POLE4: variants seen among roughly 807,000 people sequenced by gnomAD.
POLE4 encodes DNA polymerase epsilon subunit 4.
In POLE4, 15 loss-of-function variants were observed where a neutral mutation model predicts 15.6. That is an observed-to-expected ratio of 0.96 (90% CI 0.64 to 1.48). The LOEUF is 1.48. Ranked by LOEUF, POLE4 falls within the 40% of genes most tolerant of loss-of-function variation. The pLI, the probability that POLE4 is intolerant of heterozygous loss-of-function variation, is 0.00. For missense variants in POLE4, 205 were observed against 151.9 expected (o/e 1.35, Z -1.84); for synonymous variants, 83 against 63.2 (o/e 1.31, Z -1.49).
chr2:74,967,853 T>C (rs755728113), intron 3 of POLE4, among the ~76,000 whole-genome samples: 1 of 152,214 alleles, frequency 6.6e-6, no homozygotes, highest in African/African-American at 2.4e-5. Flanking sequence ...TTCTGGACTA[T>C]CATACTGATA....
chr2:74,962,334 C>T (rs553670411), intron 3 of POLE4, among the ~76,000 whole-genome samples: 1 of 152,296 alleles, frequency 6.6e-6, no homozygotes, highest in African/African-American at 2.4e-5. Flanking sequence ...TTCTAGTTCA[C>T]ATCTAGCTAT....
intron 3 of POLE4, among the ~76,000 whole-genome samples, chr2:74,964,478 A>G (rs1400801033): frequency 6.6e-6 from 1 of 152,148 alleles, no homozygotes; most frequent in Admixed American, 6.5e-5. Context: ...ACATTTATTA[A>G]TATTTAGTTT....
chr2:74,959,529 C>A, intron 2 of POLE4, 104 bp downstream of exon 2: 1 of 702,110 alleles, frequency 1.4e-6, no homozygotes. Flanking sequence ...GGTGCCACAG[C>A]GTCTCTCCCC....
rs777797742 is a variant in POLE4 at position 74,960,068 on chromosome 2, T to C, written c.299-37T>C. 6.3e-6 allele frequency: 10 copies of C among 1,599,956 alleles called. No individual in the cohort carries two copies. The South Asian group carries it at 9.9e-5, about 16-fold the overall frequency. On this transcript the variant is annotated intron_variant, in intron 2 of 3. Transcript: ENST00000483063. The stretch of plus-strand genomic sequence containing the variant: ...GTTTTCTGACTGAGGTCAGCATGGC[T>C]GAAGTTAGTCAGGTGTCTCTTTTCC...
chr2:74,966,905 A>G (rs1671304442), intron 3 of POLE4, among the ~76,000 whole-genome samples: 2 of 151,512 alleles, frequency 1.3e-5, no homozygotes, highest in Non-Finnish European at 2.9e-5. Context: ...CATTGAAGCT[A>G]TCATTTTACT....
intron 2 of POLE4, 81 bp from the exon 3 acceptor site, chr2:74,960,024 C>A: frequency 8.3e-7 from 1 of 1,199,888 alleles, no homozygotes; most frequent in Non-Finnish European, 1.2e-6. Context: ...GCCTCATGCC[C>A]TTCACTGCAG....
At chr2:74,958,921 A>G (rs1458039948) in intron 1 of POLE4, 29 bp downstream of exon 1, 1 of 1,343,396 alleles carries the variant, frequency 7.4e-7, no homozygotes. Context: ...GGCATGCGGG[A>G]GTGGGGGAGG....
intron 3 of POLE4, among the ~76,000 whole-genome samples, chr2:74,961,990 C>G (rs1003067674): frequency 6.6e-6 from 1 of 152,184 alleles, no homozygotes; most frequent in Non-Finnish European, 1.5e-5. Context: ...TGAAGTACAG[C>G]TGCCGTCCAC....
chr2:74,964,493 T>G (rs1384582493), intron 3 of POLE4, among the ~76,000 whole-genome samples: 1 of 152,136 alleles, frequency 6.6e-6, no homozygotes, highest in Admixed American at 6.5e-5. Flanking sequence ...TAGTTTTTAA[T>G]AAATTATTTT....
intron 3 of POLE4, chr2:74,961,137 T>C (rs1441796381): frequency 6.6e-6 from 1 of 152,558 alleles, no homozygotes; most frequent in Non-Finnish European, 1.5e-5. Context: ...TTTGATTGAA[T>C]AGCTTAGCAA....
intron 3 of POLE4, among the ~76,000 whole-genome samples, chr2:74,961,797 T>C (rs1194304531): frequency 6.6e-6 from 1 of 152,222 alleles, no homozygotes; most frequent in African/African-American, 2.4e-5. Context: ...TGTCCTACAT[T>C]GGTAGATCTG....
chr2:74,965,389 G>A (rs1000103146), intron 3 of POLE4, among the ~76,000 whole-genome samples: 4 of 152,210 alleles, frequency 2.6e-5, no homozygotes, highest in South Asian at 4.1e-4. Flanking sequence ...GTGAGCCACC[G>A]CGCCTGGCCC....
At chr2:74,958,950 CTCGGGGCCTCCCGCGGGCGGGGCT>C in intron 1 of POLE4, 58 bp downstream of exon 1, 10 of 1,460,756 alleles carry the variant, frequency 6.8e-6, no homozygotes, top group Non-Finnish European at 9.3e-6. Context: ...GGGGCGGGGC[CTCGGGGCCTCCCGCGGGCGGGGCT>C]TAGGGCGGCG....
chr2:74,959,952 G>T (rs1671191616), intron 2 of POLE4, among the ~76,000 whole-genome samples, 153 bp from the exon 3 acceptor site: 1 of 152,186 alleles, frequency 6.6e-6, no homozygotes, highest in Non-Finnish European at 1.5e-5. Flanking sequence ...GTTGCTGGTA[G>T]AGTAGATATG....
chr2:74,966,917 C>CT (rs145157175), intron 3 of POLE4, among the ~76,000 whole-genome samples: 91 of 145,938 alleles, frequency 6.2e-4, no homozygotes, highest in East Asian at 1.2e-3. Flanking sequence ...CATTTTACTG[C>CT]TTTTTTTTTT....
chr2:74,960,874 C>T (rs1027719698), intron 3 of POLE4, among the ~76,000 whole-genome samples: 2 of 152,172 alleles, frequency 1.3e-5, no homozygotes, highest in Non-Finnish European at 2.9e-5. Flanking sequence ...AAATACATTA[C>T]CTTTTCTATG....
intron 3 of POLE4, among the ~76,000 whole-genome samples, chr2:74,966,004 A>G (rs187887514): frequency 2.4e-4 from 35 of 147,508 alleles, no homozygotes; most frequent in African/African-American, 8.7e-4. Context: ...TTTGAATTCT[A>G]TTGTCTTATT....
At chr2:74,962,987 C>A (rs1671246667) in intron 3 of POLE4, among the ~76,000 whole-genome samples, 1 of 152,186 alleles carries the variant, frequency 6.6e-6, no homozygotes, top group Admixed American at 6.5e-5. Flanking sequence ...TTGCACATAA[C>A]TCATTTGTTC....
intron 3 of POLE4, chr2:74,961,502 G>A (rs958781053): frequency 2.6e-5 from 4 of 152,192 alleles, no homozygotes; most frequent in African/African-American, 9.7e-5. Flanking sequence ...AATGTTTGGA[G>A]CCTACTTTAC....
Sources: gnomAD v4.1 joint callset for allele counts (sites outside exome capture counted in the v4.1 genomes callset) on GRCh38, gnomAD v4.1.1 for gene constraint, MANE v1.5 for transcripts, NCBI Gene and HGNC (gene_info 2026-07-23, HGNC 2026-07-21) for gene names.